The following ADAM22 variants were observed in gnomAD, a reference collection of about 807,000 sequenced individuals.
ADAM22 encodes the protein ADAM metallopeptidase domain 22, also known as disintegrin and metalloproteinase domain-containing protein 22.
Under a neutral mutation model 144.6 loss-of-function variants are expected in ADAM22, and 65 were observed. The ratio of observed to expected loss-of-function variants is 0.45; its 90% confidence interval spans 0.37 to 0.55. ADAM22 has a LOEUF of 0.55. ADAM22 is among the 20% of genes least tolerant of loss of function. ADAM22 has a pLI of 0.00. For synonymous variants in ADAM22, 391 were observed against 412.6 expected, an observed-to-expected ratio of 0.95 and a Z score of 0.63; for missense variants, 974 against 1,184.9, an observed-to-expected ratio of 0.82 and a Z score of 2.61.
At chr7:88,165,751 A>T in intron 23 of ADAM22, 81 bp from the exon 24 acceptor site, 1 of 933,798 alleles carries the variant, frequency 1.1e-6, no homozygotes, top group East Asian at 2.7e-5. Flanking sequence ...CTAAGCATAT[A>T]ATAATAAGAA....
At chr7:87,957,863 A>T (rs1410893347) in intron 2 of ADAM22, among the ~76,000 whole-genome samples, 1 of 152,194 alleles carries the variant, frequency 6.6e-6, no homozygotes, top group African/African-American at 2.4e-5. Context: ...GATTACAGGC[A>T]TGAGCCACCC....
At chr7:87,935,995 C>T (rs1469717718) in intron 2 of ADAM22, among the ~76,000 whole-genome samples, 2 of 152,048 alleles carry the variant, frequency 1.3e-5, no homozygotes, top group African/African-American at 4.8e-5. Context: ...ACCTGTAAGT[C>T]CATATTAAGA....
At chr7:88,126,646 A>T (rs1227994127) in intron 8 of ADAM22, among the ~76,000 whole-genome samples, 1 of 151,920 alleles carries the variant, frequency 6.6e-6, no homozygotes, top group Non-Finnish European at 1.5e-5. Context: ...AGTTTTGCAC[A>T]TTTTGATTTA....
chr7:87,948,684 C>A (rs1387776177), intron 2 of ADAM22, among the ~76,000 whole-genome samples: 1 of 152,152 alleles, frequency 6.6e-6, no homozygotes, highest in Non-Finnish European at 1.5e-5. Flanking sequence ...AAGGAATGAC[C>A]AGGCATTTTT....
chr7:88,126,199 G>T (rs990062689), intron 8 of ADAM22, among the ~76,000 whole-genome samples: 3 of 151,988 alleles, frequency 2.0e-5, no homozygotes, highest in African/African-American at 4.8e-5. Context: ...AATGAAGTCG[G>T]TACTATTATT....
At chr7:88,188,191 G>C (rs1848773523) in intron 30 of ADAM22, among the ~76,000 whole-genome samples, 2 of 152,026 alleles carry the variant, frequency 1.3e-5, no homozygotes, top group Non-Finnish European at 2.9e-5. Context: ...TCCTATATGG[G>C]TTAGGGCTTT....
intron 30 of ADAM22, among the ~76,000 whole-genome samples, chr7:88,188,480 C>T (rs2129539885): frequency 6.6e-6 from 1 of 152,228 alleles, no homozygotes; most frequent in South Asian, 2.1e-4. Context: ...ATGTTGGTTC[C>T]TACAGTAGAT....
At position 88,148,998 on chromosome 7, in the gene ADAM22, T is replaced by G; in HGVS notation, c.1507T>G (p.Cys503Gly). The change falls in exon 18 of 32, where the codon TGC becomes GGC. Residue 503 changes from cysteine to glycine, a missense_variant. Around this residue, in one of 2 missense-constraint regions of ADAM22, gnomAD observed 734 missense variants for 950.6 expected, o/e 0.77. Coordinates refer to ENST00000413139, the MANE Select transcript of ADAM22 (RefSeq NM_001324418.2). ...KCKFQPMGTV[C>G]REAVNDCDIR... ...TTAGTTTCAGCCTATGGGCACTGTG[T>G]GCCGAGAAGCAGTAAATGATTGTGA... The G allele has an allele frequency of 6.2e-7, 1 of 1,612,348 alleles. No individual in the cohort carries two copies.
chr7:88,165,950 A>C lies in ADAM22; in HGVS notation c.2191+4A>C. On this transcript the variant is annotated splice_donor_region_variant and intron_variant, in intron 24 of 31. Transcript: ENST00000413139. The stretch of plus-strand genomic sequence containing the variant: ...GGTATCACTCTGTCTGGCAATGGTA[A>C]GTACTTAATTTGGTAACATTATGTA... 1 of 1,601,140 alleles carries C rather than the reference A, an allele frequency of 6.2e-7. No individual in the cohort carries two copies. Among genetic ancestry groups the C allele is most frequent in the Non-Finnish European group, 8.5e-7 (1 of 1,173,558 alleles).
intron 14 of ADAM22, among the ~76,000 whole-genome samples, chr7:88,140,852 G>C (rs1834409268): frequency 6.6e-6 from 1 of 152,032 alleles, no homozygotes; most frequent in Non-Finnish European, 1.5e-5. Context: ...AGAAAATGCA[G>C]GTTTTGATCA....
intron 4 of ADAM22, among the ~76,000 whole-genome samples, chr7:88,082,783 A>G (rs1038276044): frequency 7.2e-5 from 11 of 152,140 alleles, no homozygotes; most frequent in Non-Finnish European, 1.0e-4. Context: ...CAAAACCACA[A>G]TGAGATACCA....
intron 14 of ADAM22, among the ~76,000 whole-genome samples, chr7:88,137,501 A>C (rs904698281): frequency 1.3e-5 from 2 of 152,184 alleles, no homozygotes; most frequent in African/African-American, 2.4e-5. Flanking sequence ...CTTGCTCACC[A>C]TAATTGTACA....
Position 88,039,449 on chromosome 7 carries a change from CAA to C in ADAM22, c.324-36162_324-36161del, listed in dbSNP as rs1216762883. On this transcript the variant is annotated intron_variant, in intron 3 of 31. Transcript: ENST00000413139. ...AGGGCAACAGAGCGAGATTCTGTCT[CAA>C]AAAAAAAAAAAAAATATATATATAT... Among the ~76,000 whole-genome samples the C allele has an allele frequency of 5.6e-4, 33 of 58,628 alleles. 1 individual carries two copies. Among genetic ancestry groups the C allele is most frequent in the African/African-American group, 1.6e-3 (30 of 18,664 alleles). 38.5% of individuals were successfully genotyped at this position (58,628 alleles called of 152,430 possible).
intron 2 of ADAM22, among the ~76,000 whole-genome samples, chr7:87,947,846 G>A (rs1045004922): frequency 6.6e-6 from 1 of 152,088 alleles, no homozygotes; most frequent in Non-Finnish European, 1.5e-5. Flanking sequence ...TGAAGGCATG[G>A]ACCCTCATCT....
intron 7 of ADAM22, among the ~76,000 whole-genome samples, chr7:88,118,893 G>A (rs1464255662): frequency 6.6e-6 from 1 of 152,054 alleles, no homozygotes; most frequent in Non-Finnish European, 1.5e-5. Flanking sequence ...TGATAAATGA[G>A]AAGAAAACAA....
At chr7:88,018,755 G>T (rs1313188108) in intron 3 of ADAM22, among the ~76,000 whole-genome samples, 1 of 152,140 alleles carries the variant, frequency 6.6e-6, no homozygotes, top group Non-Finnish European at 1.5e-5. Flanking sequence ...AATCCCTGGA[G>T]ATCAAATGTT....
intron 3 of ADAM22, among the ~76,000 whole-genome samples, chr7:88,039,464 A>AAAAAAAAAAAAAAATATATAT: frequency 3.4e-4 from 26 of 76,380 alleles, no homozygotes; most frequent in African/African-American, 1.2e-3. Flanking sequence ...AAAAAAAAAA[A>AAAAAAAAAAAAAAATATATAT]ATATATATAT....
chr7:87,935,495 A>C (rs1841030199), intron 2 of ADAM22, among the ~76,000 whole-genome samples: 1 of 152,200 alleles, frequency 6.6e-6, no homozygotes, highest in South Asian at 2.1e-4. Flanking sequence ...AGGCATGCAC[A>C]GCGAGAAGGG....
intron 4 of ADAM22, among the ~76,000 whole-genome samples, chr7:88,098,712 T>C (rs964852174): frequency 6.6e-6 from 1 of 152,320 alleles, no homozygotes; most frequent in Middle Eastern, 3.4e-3. Flanking sequence ...GTCTTTCTTT[T>C]CCTTTCTTGT....
Sources: gnomAD v4.1 joint callset for allele counts (sites outside exome capture counted in the v4.1 genomes callset) on GRCh38, gnomAD v4.1.1 for gene constraint, gnomAD v4.1.1 regional missense constraint, MANE v1.5 for transcripts, NCBI Gene and HGNC (gene_info 2026-07-23, HGNC 2026-07-21) for gene names.